WDR88: variants seen among roughly 807,000 people sequenced by gnomAD.
WDR88 encodes the protein WD repeat domain 88.
Under a neutral mutation model 46.8 loss-of-function variants are expected in WDR88, and 40 were observed. The observed-to-expected ratio is 0.86, with a 90% confidence interval of 0.66 to 1.11. WDR88 has a LOEUF of 1.11. Ranked by LOEUF, WDR88 falls within the 50% of genes most tolerant of loss-of-function variation. The pLI is 0.00. For missense variants in WDR88, 562 were observed against 602.4 expected (o/e 0.93, Z 0.70); for synonymous variants, 235 against 240.7 (o/e 0.98, Z 0.22).
At chr19:33,137,112 CT>C (rs71176199) in intron 1 of WDR88, among the ~76,000 whole-genome samples, 24,686 of 78,170 alleles carry the variant, frequency 0.32, 2,251 homozygotes, top group African/African-American at 0.52. Context: ...CTTTCTTCTT[CT>C]TTTTTTTTTT....
intron 7 of WDR88, 90 bp downstream of exon 7, chr19:33,156,632 T>G (rs1346439647): frequency 7.1e-7 from 1 of 1,405,624 alleles, no homozygotes; most frequent in African/African-American, 1.4e-5. Flanking sequence ...GAGAGGCAAT[T>G]TCCAATGATG....
intron 7 of WDR88, 129 bp downstream of exon 7, chr19:33,156,671 G>A (rs1019461933): frequency 4.5e-6 from 5 of 1,117,424 alleles, no homozygotes; most frequent in Middle Eastern, 3.1e-4. Context: ...TCTTCCCCAC[G>A]AGAACAAAAA....
chr19:33,141,727 C>T (rs1973398965), intron 2 of WDR88, among the ~76,000 whole-genome samples: 1 of 152,078 alleles, frequency 6.6e-6, no homozygotes, highest in Non-Finnish European at 1.5e-5. Context: ...GTTGCTCAGG[C>T]TGGAGTGCAG....
At chr19:33,155,564 A>AGTAAGT (rs1421574267) in intron 6 of WDR88, among the ~76,000 whole-genome samples, 1 of 152,128 alleles carries the variant, frequency 6.6e-6, no homozygotes, top group Non-Finnish European at 1.5e-5. Flanking sequence ...GAAGCAGAGG[A>AGTAAGT]GTAAGTAAGA....
Position 33,157,641 on chromosome 19 carries a change from G to A in WDR88, c.997+1099G>A, listed in dbSNP as rs1043710628. The stretch of plus-strand genomic sequence containing the variant: ...TATATATATATGTATGTGTATATAT[G>A]TGTGTGTGTATGTATATATGTATGT... On this transcript the variant is annotated intron_variant, in intron 7 of 10. Coordinates refer to ENST00000355868, the MANE Select transcript of WDR88 (RefSeq NM_173479.4). Among the ~76,000 whole-genome samples the A allele has an allele frequency of 4.1e-5, 5 of 121,794 alleles. 1 individual carries two copies. The highest frequency in any genetic ancestry group is 6.6e-5 in the African/African-American group (2 of 30,358). The allele number at this position is 121,794 out of a possible 152,430, so 79.9% of individuals were successfully genotyped here.
intron 10 of WDR88, chr19:33,174,382 G>A: frequency 1.4e-6 from 2 of 1,419,904 alleles, no homozygotes; most frequent in South Asian, 3.0e-5. Flanking sequence ...AGCCAGGGCA[G>A]GGGCGCGGCC....
intron 2 of WDR88, among the ~76,000 whole-genome samples, chr19:33,139,764 T>C (rs1973350965): frequency 6.6e-6 from 1 of 152,164 alleles, no homozygotes; most frequent in South Asian, 2.1e-4. Flanking sequence ...CATTGGCCTA[T>C]AACTTCATAC....
rs895606290 is a variant in WDR88 at position 33,175,559 on chromosome 19, G to T, written c.1406G>T (p.Ser469Ile). The change falls in exon 11 of 11, where the codon AGC becomes ATC. Residue 469 changes from serine to isoleucine, a missense_variant. Transcript: ENST00000355868. The part of the protein sequence containing the change: ...ERENSPPPRG[S>I]KDD ...GAGAACTCACCGCCGCCAAGGGGAAGCAAGGATGACTGACAGCCACAGGCC... is the reference window on the plus strand; with the variant it reads ...GAGAACTCACCGCCGCCAAGGGGAATCAAGGATGACTGACAGCCACAGGCC... 6.2e-7 allele frequency: 1 copy of T among 1,614,084 alleles called. No homozygotes were observed. The highest frequency in any genetic ancestry group is 1.3e-5 in the African/African-American group (1 of 74,954).
chr19:33,141,416 G>A (rs1973393016), intron 2 of WDR88, among the ~76,000 whole-genome samples: 1 of 151,846 alleles, frequency 6.6e-6, no homozygotes, highest in African/African-American at 2.4e-5. Flanking sequence ...TTTTTGTAGA[G>A]ATGGGATCTC....
At chr19:33,157,633 G>A (rs1973770632) in intron 7 of WDR88, among the ~76,000 whole-genome samples, 3 of 138,990 alleles carry the variant, frequency 2.2e-5, no homozygotes, top group Non-Finnish European at 4.6e-5. Flanking sequence ...ATATGTATGT[G>A]TATATATGTG....
At chr19:33,150,781 C>A (rs970185876) in intron 5 of WDR88, among the ~76,000 whole-genome samples, 14 of 152,136 alleles carry the variant, frequency 9.2e-5, no homozygotes, top group African/African-American at 3.4e-4. Context: ...CAGGCCTTTG[C>A]AAGCACTGTT....
chr19:33,162,650 G>T (rs1358455522), intron 8 of WDR88, among the ~76,000 whole-genome samples: 2 of 152,064 alleles, frequency 1.3e-5, no homozygotes, highest in Non-Finnish European at 1.5e-5. Flanking sequence ...CTAGAACAAA[G>T]AATGCAAATG....
chr19:33,165,131 A>C (rs1463179464), intron 9 of WDR88, among the ~76,000 whole-genome samples: 2 of 152,124 alleles, frequency 1.3e-5, no homozygotes, highest in Non-Finnish European at 2.9e-5. Context: ...TCAGGTGGTA[A>C]AGCTAGTGAC....
intron 4 of WDR88, 75 bp from the exon 5 acceptor site, chr19:33,148,697 C>T: frequency 6.3e-7 from 1 of 1,588,824 alleles, no homozygotes; most frequent in Non-Finnish European, 8.6e-7. Flanking sequence ...CCTTGGCCTC[C>T]CAAAGCACTG....
intron 9 of WDR88, among the ~76,000 whole-genome samples, chr19:33,170,271 G>A (rs145636861): frequency 3.4e-4 from 51 of 152,032 alleles, no homozygotes; most frequent in African/African-American, 1.1e-3. Flanking sequence ...TGAACCTCCC[G>A]GGCTTAGGCG....
intron 2 of WDR88, among the ~76,000 whole-genome samples, chr19:33,143,524 G>T (rs1297653217): frequency 2.0e-5 from 3 of 151,530 alleles, no homozygotes; most frequent in Non-Finnish European, 4.4e-5. Flanking sequence ...TGTGCCTATG[G>T]TCCCAGCGAC....
chr19:33,157,549 A>G (rs10410618), intron 7 of WDR88, among the ~76,000 whole-genome samples: 7 of 128,468 alleles, frequency 5.4e-5, no homozygotes, highest in South Asian at 4.5e-4. Context: ...ATGTATATAT[A>G]TGTGTATATA....
At chr19:33,140,485 T>A (rs1239420450) in intron 2 of WDR88, among the ~76,000 whole-genome samples, 1 of 151,962 alleles carries the variant, frequency 6.6e-6, no homozygotes, top group Non-Finnish European at 1.5e-5. Flanking sequence ...CGGACATGTG[T>A]GGACAAGAAA....
chr19:33,159,748 C>T (rs1973832115), intron 7 of WDR88, among the ~76,000 whole-genome samples: 1 of 152,102 alleles, frequency 6.6e-6, no homozygotes, highest in Non-Finnish European at 1.5e-5. Context: ...AACTTTTCCA[C>T]AAATGGGAGC....
Sources: allele counts gnomAD v4.1 joint callset (sites outside exome capture counted in the v4.1 genomes callset), GRCh38; gene constraint gnomAD v4.1.1; transcripts MANE v1.5; gene names NCBI Gene and HGNC (gene_info 2026-07-23, HGNC 2026-07-21).